RGS7: variants seen among roughly 807,000 people sequenced by gnomAD.
RGS7 encodes regulator of G-protein signaling 7.
In RGS7, 27 loss-of-function variants were observed where a neutral mutation model predicts 81.1. The observed-to-expected ratio is 0.33, with a 90% CI of 0.25 to 0.46. The LOEUF is 0.46. Among genes scored for constraint, RGS7 ranks in the 20% least tolerant of loss-of-function variants. RGS7 has a pLI of 1.00. For synonymous variants in RGS7, 208 were observed against 207.7 expected, an observed-to-expected ratio of 1.00 and a Z score of -0.01; for missense variants, 396 against 607.4, an observed-to-expected ratio of 0.65 and a Z score of 3.66.
chr1:240,823,239 T>C (rs2103163489), intron 10 of RGS7: 1 of 718,170 alleles, frequency 1.4e-6, no homozygotes, highest in Non-Finnish European at 2.6e-6. Flanking sequence ...GGGTCCATCC[T>C]ATGCTCACCA....
At chr1:240,846,880 T>C (rs1379119657) in intron 9 of RGS7, among the ~76,000 whole-genome samples, 4 of 152,146 alleles carry the variant, frequency 2.6e-5, no homozygotes, top group Middle Eastern at 3.2e-3. Context: ...CAAACCACCA[T>C]GTGAATGAAG....
chr1:240,955,377 C>G (rs912793318), intron 4 of RGS7, among the ~76,000 whole-genome samples: 1 of 151,822 alleles, frequency 6.6e-6, no homozygotes, highest in Non-Finnish European at 1.5e-5. Context: ...ACGGTGAAAC[C>G]CTGTCTCTAC....
At chr1:241,194,725 C>A (rs1425268974) in intron 2 of RGS7, among the ~76,000 whole-genome samples, 1 of 152,146 alleles carries the variant, frequency 6.6e-6, no homozygotes. Context: ...TGTTTGAAGT[C>A]ATCAGAGAGC....
intron 6 of RGS7, among the ~76,000 whole-genome samples, chr1:240,916,217 C>T (rs1394182606): frequency 6.9e-6 from 1 of 145,552 alleles, no homozygotes; most frequent in Admixed American, 7.0e-5. Flanking sequence ...GCAGAGGTTG[C>T]AGTGAGCCAA....
intron 2 of RGS7, among the ~76,000 whole-genome samples, chr1:241,100,088 T>C (rs772595558): frequency 9.2e-5 from 14 of 152,054 alleles, no homozygotes; most frequent in African/African-American, 1.4e-4. Context: ...TTATCAAATT[T>C]CCATTGGCCG....
At chr1:241,119,180 C>A (rs1232431253) in intron 2 of RGS7, among the ~76,000 whole-genome samples, 1 of 152,086 alleles carries the variant, frequency 6.6e-6, no homozygotes, top group African/African-American at 2.4e-5. Context: ...ACATGAATAT[C>A]TATCACAACT....
At chr1:241,080,944 C>A (rs1464963465) in intron 3 of RGS7, among the ~76,000 whole-genome samples, 1 of 152,008 alleles carries the variant, frequency 6.6e-6, no homozygotes, top group Non-Finnish European at 1.5e-5. Flanking sequence ...CCTGAGGAGC[C>A]CATATTCACG....
Position 241,129,252 on chromosome 1 carries a change from GAAAC to G in RGS7, c.79-30494_79-30491del, listed in dbSNP as rs201384805. ...ACCACTGAGGGGATATTGGCTACTA[GAAAC>G]AAACAAACAAACAAAAAAAAAACGG... On this transcript the variant is annotated intron_variant, in intron 2 of 18. Coordinates refer to ENST00000440928, the MANE Select transcript of RGS7 (RefSeq NM_001364886.1). Among the ~76,000 whole-genome samples, 475 of 137,274 alleles carry G rather than the reference GAAAC, an allele frequency of 3.5e-3. 12 individuals are homozygous for G. In the East Asian group the frequency reaches 0.068, roughly 20 times the overall value. The allele number at this position is 137,274 out of a possible 152,430, so 90.1% of individuals were successfully genotyped here. A position where few individuals can be genotyped will look rare whatever the true frequency, so the allele number is the denominator to read the frequency against.
intron 2 of RGS7, among the ~76,000 whole-genome samples, chr1:241,324,449 A>G (rs2081383585): frequency 6.6e-6 from 1 of 152,210 alleles, no homozygotes; most frequent in African/African-American, 2.4e-5. Context: ...TGCAAAAAGT[A>G]TAACTCATGC....
intron 2 of RGS7, among the ~76,000 whole-genome samples, chr1:241,206,440 G>A (rs1318829067): frequency 1.3e-5 from 2 of 151,876 alleles, no homozygotes; most frequent in South Asian, 2.1e-4. Flanking sequence ...GGCCAGGATG[G>A]TATCAATCTC....
At chr1:240,855,178 C>CT (rs1384322031) in intron 9 of RGS7, among the ~76,000 whole-genome samples, 2 of 151,212 alleles carry the variant, frequency 1.3e-5, no homozygotes, top group African/African-American at 2.4e-5. Context: ...TACATATAAC[C>CT]TTTTTTTGGA....
At chr1:241,223,633 G>A (rs1404500499) in intron 2 of RGS7, among the ~76,000 whole-genome samples, 2 of 151,660 alleles carry the variant, frequency 1.3e-5, no homozygotes, top group African/African-American at 4.9e-5. Context: ...ATATTGTAAA[G>A]TTTGTCACGT....
At chr1:241,026,315 C>T (rs755412357) in intron 3 of RGS7, among the ~76,000 whole-genome samples, 14 of 152,128 alleles carry the variant, frequency 9.2e-5, no homozygotes, top group African/African-American at 1.7e-4. Flanking sequence ...TTGCCGGGTG[C>T]GGTGACTCCT....
At chr1:240,967,064 G>C (rs1028973534) in intron 4 of RGS7, among the ~76,000 whole-genome samples, 1 of 152,206 alleles carries the variant, frequency 6.6e-6, no homozygotes, top group Non-Finnish European at 1.5e-5. Flanking sequence ...TCCTAAGTCA[G>C]ACCATGATGT....
At chr1:240,777,316 G>A (rs924906125) in intron 18 of RGS7, among the ~76,000 whole-genome samples, 16 of 151,828 alleles carry the variant, frequency 1.1e-4, no homozygotes, top group Admixed American at 3.3e-4. Flanking sequence ...ACGTTTGATC[G>A]GAATGCAAAA....
chr1:241,024,370 T>C (rs2059684142), intron 3 of RGS7, among the ~76,000 whole-genome samples: 1 of 152,146 alleles, frequency 6.6e-6, no homozygotes, highest in African/African-American at 2.4e-5. Context: ...ATCACAGTAA[T>C]AGTACCTGAG....
intron 6 of RGS7, among the ~76,000 whole-genome samples, chr1:240,895,033 C>A (rs1290878148): frequency 2.6e-5 from 4 of 152,146 alleles, no homozygotes; most frequent in Non-Finnish European, 5.9e-5. Flanking sequence ...TGGCTTGGGG[C>A]TGTCCCATGA....
chr1:241,170,307 C>T (rs1261204047), intron 2 of RGS7, among the ~76,000 whole-genome samples: 1 of 152,020 alleles, frequency 6.6e-6, no homozygotes, highest in Non-Finnish European at 1.5e-5. Flanking sequence ...TGCCTACTTC[C>T]TTTTATTTGT....
chr1:241,301,797 C>T (rs1053439947), intron 2 of RGS7, among the ~76,000 whole-genome samples: 18 of 152,210 alleles, frequency 1.2e-4, no homozygotes, highest in Admixed American at 9.8e-4. Context: ...CAAGCTTATG[C>T]TGACCTTTTG....
Sources: allele counts gnomAD v4.1 joint callset (sites outside exome capture counted in the v4.1 genomes callset), GRCh38; gene constraint gnomAD v4.1.1; transcripts MANE v1.5; gene names NCBI Gene and HGNC (gene_info 2026-07-23, HGNC 2026-07-21).